The following RPS6KA2 variants were observed in gnomAD, a reference collection of about 807,000 sequenced individuals.
RPS6KA2 encodes the protein ribosomal protein S6 kinase A2, also known as ribosomal protein S6 kinase alpha-2.
Under a neutral mutation model 91.8 loss-of-function variants are expected in RPS6KA2, and 42 were observed. That is an observed-to-expected ratio of 0.46 (90% CI 0.36 to 0.59). The LOEUF (loss-of-function observed/expected upper bound fraction) is 0.59. Ranked by LOEUF, RPS6KA2 falls within the 20% of genes least tolerant of loss-of-function variation. RPS6KA2 has a pLI of 0.00. For synonymous variants in RPS6KA2, 414 were observed against 393.6 expected (o/e 1.05, Z -0.61); for missense variants, 798 against 978.5 (o/e 0.82, Z 2.46).
intron 2 of RPS6KA2, among the ~76,000 whole-genome samples, chr6:166,833,901 T>C (rs982851337): frequency 6.6e-6 from 1 of 151,632 alleles, no homozygotes; most frequent in African/African-American, 2.4e-5. Context: ...TTCTTTCTTT[T>C]TTTTTCTTTT....
At chr6:166,675,725 C>T (rs552551964) in intron 2 of RPS6KA2, among the ~76,000 whole-genome samples, 8 of 152,330 alleles carry the variant, frequency 5.3e-5, no homozygotes, top group African/African-American at 1.7e-4. Flanking sequence ...AATTCCTCAA[C>T]ACTGTCCCAA....
At chr6:166,698,086 T>C (rs1373389019) in intron 2 of RPS6KA2, among the ~76,000 whole-genome samples, 1 of 152,194 alleles carries the variant, frequency 6.6e-6, no homozygotes, top group Non-Finnish European at 1.5e-5. Flanking sequence ...TTCCTGTCTG[T>C]GCCGTGCAAT....
chr6:166,518,069 C>T (rs1782719026), intron 3 of RPS6KA2, among the ~76,000 whole-genome samples: 1 of 151,866 alleles, frequency 6.6e-6, no homozygotes, highest in African/African-American at 2.4e-5. Flanking sequence ...GTTAGGGTCT[C>T]CACCACTGAG....
chr6:166,632,902 G>A (rs1432361721), intron 2 of RPS6KA2, among the ~76,000 whole-genome samples: 5 of 152,096 alleles, frequency 3.3e-5, no homozygotes, highest in Non-Finnish European at 7.4e-5. Context: ...AGAGGACAAC[G>A]TGGACTCAAC....
chr6:166,737,659 C>A lies in RPS6KA2; in HGVS notation c.123+120541G>T, dbSNP rs1790706545. 6.6e-6 allele frequency among the ~76,000 whole-genome samples: 1 copy of A among 152,138 alleles called. No homozygotes were observed. The highest frequency in any genetic ancestry group is 1.5e-5 in the Non-Finnish European group (1 of 68,032). On this transcript the variant is annotated intron_variant, in intron 2 of 21. Coordinates refer to the RPS6KA2 transcript ENST00000503859. The surrounding 1 kb of genome is among the most constrained non-coding windows in gnomAD (Gnocchi z 4.3). ...GAGGGGCCCCTCCCAGCTTTCCAGG[C>A]TAACGTCCGGATAATCCCCCCAGGT...
chr6:166,469,977 G>A lies in RPS6KA2; in HGVS notation c.908-72C>T, dbSNP rs546216343. On this transcript the variant is annotated intron_variant, in intron 10 of 20. Coordinates refer to ENST00000265678, the MANE Select transcript of RPS6KA2 (RefSeq NM_021135.6). ...TTCTCTGACAGTTTCCAATGCAGCA[G>A]TGTGGAGGGTGGGGATGTGCAGAGG... 5 of 1,351,424 alleles carry A rather than the reference G, an allele frequency of 3.7e-6. No individual in the cohort carries two copies. In the African/African-American group the frequency reaches 7.2e-5, roughly 19 times the overall value. The allele number at this position is 1,351,424 out of a possible 1,614,324, so 83.7% of individuals were successfully genotyped here. A position where few individuals can be genotyped will look rare whatever the true frequency, so the allele number is the denominator to read the frequency against.
At chr6:166,550,993 T>C (rs1330609981) in intron 1 of RPS6KA2, among the ~76,000 whole-genome samples, 1 of 23,190 alleles carries the variant, frequency 4.3e-5, no homozygotes, top group African/African-American at 2.3e-4. Context: ...GGACTCTATC[T>C]CAAAAAAAAA....
chr6:166,471,413 C>T (rs527874558), intron 10 of RPS6KA2, among the ~76,000 whole-genome samples: 11 of 152,348 alleles, frequency 7.2e-5, no homozygotes, highest in Admixed American at 1.3e-4. Context: ...AGGTGGTCAA[C>T]GGCTCAGAGA....
chr6:166,753,448 C>T (rs1171868495), intron 2 of RPS6KA2, among the ~76,000 whole-genome samples: 1 of 152,094 alleles, frequency 6.6e-6, no homozygotes, highest in African/African-American at 2.4e-5. Context: ...GTCTTATGAA[C>T]ACAAAATGTC....
At chr6:166,685,045 C>G (rs1235385562) in intron 2 of RPS6KA2, among the ~76,000 whole-genome samples, 1 of 152,212 alleles carries the variant, frequency 6.6e-6, no homozygotes, top group African/African-American at 2.4e-5. Context: ...GCTCCAGAGC[C>G]CTGCAAGGGC....
intron 12 of RPS6KA2, among the ~76,000 whole-genome samples, chr6:166,456,203 T>A (rs1780100792): frequency 6.6e-6 from 1 of 152,052 alleles, no homozygotes; most frequent in Non-Finnish European, 1.5e-5. Flanking sequence ...GCGGAAAGGG[T>A]AAAAGTAACA....
intron 2 of RPS6KA2, among the ~76,000 whole-genome samples, chr6:166,705,102 C>A (rs1789640833): frequency 6.6e-6 from 1 of 152,200 alleles, no homozygotes; most frequent in East Asian, 1.9e-4. Context: ...TATCCAACAT[C>A]TACTCAACAT....
chr6:166,761,447 T>C (rs1432506365), intron 2 of RPS6KA2, among the ~76,000 whole-genome samples: 2 of 152,240 alleles, frequency 1.3e-5, no homozygotes. Context: ...CTCTGGCTAA[T>C]TGGTGAAAAG....
intron 2 of RPS6KA2, among the ~76,000 whole-genome samples, chr6:166,537,722 T>C (rs1488350041): frequency 6.6e-6 from 1 of 152,214 alleles, no homozygotes; most frequent in African/African-American, 2.4e-5. Context: ...ATGCAAAGAT[T>C]TGGTAAATGT....
At chr6:166,649,921 G>T (rs888632611) in intron 2 of RPS6KA2, among the ~76,000 whole-genome samples, 2 of 152,154 alleles carry the variant, frequency 1.3e-5, no homozygotes, top group African/African-American at 4.8e-5. Flanking sequence ...CTTCAGAACT[G>T]CATGCCCAAC....
chr6:166,689,518 C>T (rs1161411826), intron 2 of RPS6KA2, among the ~76,000 whole-genome samples: 5 of 152,140 alleles, frequency 3.3e-5, no homozygotes, highest in African/African-American at 1.2e-4. Flanking sequence ...TGGCCAGTTC[C>T]GATTTTTAGA....
chr6:166,520,997 C>T (rs1782835286), intron 3 of RPS6KA2, among the ~76,000 whole-genome samples: 1 of 152,238 alleles, frequency 6.6e-6, no homozygotes, highest in African/African-American at 2.4e-5. Context: ...GGCACTGCCT[C>T]ACATCATGGG....
intron 14 of RPS6KA2, among the ~76,000 whole-genome samples, chr6:166,439,570 C>G (rs923493450): frequency 1.3e-5 from 2 of 152,184 alleles, no homozygotes; most frequent in African/African-American, 4.8e-5. Context: ...GCCTTTGTTG[C>G]CCTGGAGTGG....
intron 2 of RPS6KA2, chr6:166,701,818 G>T (rs57100456): frequency 1.1e-6 from 1 of 914,596 alleles, no homozygotes; most frequent in Non-Finnish European, 1.8e-6. Flanking sequence ...CCTCAGCTTT[G>T]GCACATGTCT....
Sources: allele counts gnomAD v4.1 joint callset (sites outside exome capture counted in the v4.1 genomes callset), GRCh38; gene constraint gnomAD v4.1.1; non-coding constraint Gnocchi (gnomAD v3.1); transcripts MANE v1.5; gene names NCBI Gene and HGNC (gene_info 2026-07-23, HGNC 2026-07-21).